Variants in CUL1 observed in about 807,000 individuals in gnomAD.
CUL1 encodes cullin 1, also known as cullin-1.
In CUL1, 24 loss-of-function variants were observed where a neutral mutation model predicts 118.0. The ratio of observed to expected loss-of-function variants is 0.20; its 90% CI spans 0.15 to 0.29. The LOEUF is 0.29. Among genes scored for constraint, CUL1 ranks in the 10% least tolerant of loss-of-function variants. CUL1 has a pLI of 1.00. For missense variants in CUL1, 361 were observed against 933.8 expected, an observed-to-expected ratio of 0.39 and a Z score of 7.99; for synonymous variants, 332 against 340.4, an observed-to-expected ratio of 0.98 and a Z score of 0.27.
At chr7:148,705,698 T>C (rs1194618653) in intron 1 of CUL1, among the ~76,000 whole-genome samples, 1 of 152,102 alleles carries the variant, frequency 6.6e-6, no homozygotes, top group Non-Finnish European at 1.5e-5. Flanking sequence ...TCCTAGATGA[T>C]GTCAATAAAC....
chr7:148,704,706 A>G (rs1211372685), intron 1 of CUL1, among the ~76,000 whole-genome samples: 1 of 152,194 alleles, frequency 6.6e-6, no homozygotes, highest in East Asian at 1.9e-4. Context: ...GCTAAACTTT[A>G]TTTTGGTGTG....
chr7:148,709,282 T>C (rs1797977352), intron 1 of CUL1, among the ~76,000 whole-genome samples: 1 of 152,244 alleles, frequency 6.6e-6, no homozygotes, highest in Non-Finnish European at 1.5e-5. Context: ...TGTGTGTGAT[T>C]TGGCAAAAAG....
chr7:148,711,562 G>T (rs149487152), intron 1 of CUL1, among the ~76,000 whole-genome samples: 2 of 152,162 alleles, frequency 1.3e-5, no homozygotes, highest in Non-Finnish European at 2.9e-5. Context: ...CGGTAGCGCC[G>T]TTTCTCCTTT....
At chr7:148,777,546 A>T (rs932006386) in intron 9 of CUL1, among the ~76,000 whole-genome samples, 2 of 152,190 alleles carry the variant, frequency 1.3e-5, no homozygotes, top group Non-Finnish European at 2.9e-5. Flanking sequence ...TCTTCAAACA[A>T]ATGTTTTACC....
At chr7:148,777,047 A>G (rs1225659346) in intron 9 of CUL1, among the ~76,000 whole-genome samples, 1 of 152,194 alleles carries the variant, frequency 6.6e-6, no homozygotes, top group African/African-American at 2.4e-5. Flanking sequence ...TAGTCCACCT[A>G]CAGCCTCCAC....
Position 148,754,068 on chromosome 7 carries a change from C to T in CUL1, c.233C>T (p.Pro78Leu). The change falls in exon 3 of 22, where the codon CCT (proline) becomes CTT (leucine). Residue 78 changes from proline (P) to leucine (L), a missense_variant. Pro to Leu is a moderately conservative substitution (Grantham distance 98). Transcript: ENST00000325222. ...TCTAAGTCGAAAAAGGGGCAGACAC[C>T]TGGAGGAGCTCAGTTTGTTGGCCTG... ...PPSKSKKGQT[P>L]GGAQFVGLEL... 1 of 1,613,914 alleles carries T rather than the reference C, an allele frequency of 6.2e-7. No individual in the cohort carries two copies. Among genetic ancestry groups the T allele is most frequent in the African/African-American group, 1.3e-5 (1 of 75,042 alleles).
chr7:148,745,481 C>A (rs1447995458), intron 2 of CUL1, among the ~76,000 whole-genome samples: 2 of 152,068 alleles, frequency 1.3e-5, no homozygotes, highest in African/African-American at 4.8e-5. Flanking sequence ...TTCTCTGGTG[C>A]CTTCAAGATC....
rs1380408221 is a variant in CUL1 at position 148,767,677 on chromosome 7, A to G, written c.1011A>G (p.Lys337=). Reference sequence around the variant, plus strand: ...TCCAGGATGGCCTAGGAGAATTGAAAAAACTGTTGGAGACACACATTCATA... The same window carrying G: ...TCCAGGATGGCCTAGGAGAATTGAAGAAACTGTTGGAGACACACATTCATA... ...SRIQDGLGEL[K]KLLETHIHNQ... is the part of the protein sequence containing the mutation. The change falls in exon 9 of 22, where the codon AAA becomes AAG. Residue 337 remains lysine (K), a synonymous_variant. Transcript: ENST00000325222. 7.4e-6 allele frequency: 12 copies of G among 1,613,952 alleles called. No homozygotes were observed. The highest frequency in any genetic ancestry group is 1.0e-5 in the Non-Finnish European group (12 of 1,179,962).
chr7:148,763,754 G>A (rs1799914251), intron 7 of CUL1, among the ~76,000 whole-genome samples: 2 of 152,186 alleles, frequency 1.3e-5, no homozygotes, highest in Non-Finnish European at 2.9e-5. Context: ...ACAGGATAAA[G>A]GGTGGCAAAT....
intron 12 of CUL1, 137 bp from the exon 13 acceptor site, chr7:148,786,852 T>C: frequency 2.6e-6 from 3 of 1,154,908 alleles, no homozygotes; most frequent in Non-Finnish European, 3.7e-6. Context: ...GATTTTGCCA[T>C]CATAAACGTT....
intron 1 of CUL1, among the ~76,000 whole-genome samples, chr7:148,725,622 C>T (rs936507672): frequency 6.6e-6 from 1 of 152,204 alleles, no homozygotes; most frequent in Non-Finnish European, 1.5e-5. Context: ...CAAGCCAGGT[C>T]TCAGCATCTG....
chr7:148,786,510 T>C (rs747122314), intron 11 of CUL1, 41 bp from the exon 12 acceptor site: 2 of 1,503,366 alleles, frequency 1.3e-6, no homozygotes, highest in Non-Finnish European at 1.9e-6. Flanking sequence ...TGTTTAAACG[T>C]ACTGATGTTT....
At chr7:148,796,325 C>A (rs374695768) in intron 17 of CUL1, among the ~76,000 whole-genome samples, 8 of 152,138 alleles carry the variant, frequency 5.3e-5, no homozygotes, top group African/African-American at 1.9e-4. Flanking sequence ...CCCACTTGGT[C>A]ATGGTATATA....
intron 9 of CUL1, among the ~76,000 whole-genome samples, chr7:148,780,328 CTGAA>C (rs960201899): frequency 1.3e-5 from 2 of 152,200 alleles, no homozygotes; most frequent in African/African-American, 4.8e-5. Context: ...TTTGTTAAAA[CTGAA>C]TGATGAGTAC....
intron 2 of CUL1, among the ~76,000 whole-genome samples, chr7:148,749,415 CAAAAAAAA>C (rs61460309): frequency 3.5e-5 from 2 of 56,450 alleles, no homozygotes; most frequent in African/African-American, 1.4e-4. Context: ...GACTCCATCT[CAAAAAAAA>C]AAAAAAAAAA....
At chr7:148,714,708 A>G (rs1798157328) in intron 1 of CUL1, among the ~76,000 whole-genome samples, 1 of 140,768 alleles carries the variant, frequency 7.1e-6, no homozygotes, top group Non-Finnish European at 1.6e-5. Context: ...GAGGTTGCCA[A>G]AGGGACTCAT....
Position 148,761,018 on chromosome 7 carries a change from T to C in CUL1, c.789+522T>C, listed in dbSNP as rs978322438. Among the ~76,000 whole-genome samples the C allele has an allele frequency of 6.6e-5, 10 of 152,172 alleles. No individual in the cohort carries two copies. The East Asian group carries it at 1.9e-3, about 29-fold the overall frequency. ...AGAGGCGTGAGCCACCACACTCAGC[T>C]AATTGTTTTATTTTTGTAGAGATAG... On this transcript the variant is annotated intron_variant, in intron 7 of 21. Coordinates refer to ENST00000325222, the MANE Select transcript of CUL1 (RefSeq NM_003592.3).
intron 1 of CUL1, among the ~76,000 whole-genome samples, chr7:148,721,185 T>G (rs1032686231): frequency 6.6e-6 from 1 of 152,186 alleles, no homozygotes; most frequent in Non-Finnish European, 1.5e-5. Context: ...CAAGAGAACA[T>G]AGCATGTTCC....
At chr7:148,769,827 C>T (rs1427463602) in intron 9 of CUL1, among the ~76,000 whole-genome samples, 3 of 151,754 alleles carry the variant, frequency 2.0e-5, no homozygotes, top group South Asian at 2.1e-4. Context: ...CCCAGGAGTT[C>T]GGGACCAGCT....
Sources: allele counts gnomAD v4.1 joint callset (sites outside exome capture counted in the v4.1 genomes callset), GRCh38; gene constraint gnomAD v4.1.1; transcripts MANE v1.5; gene names NCBI Gene and HGNC (gene_info 2026-07-23, HGNC 2026-07-21).